The following TMEM135 variants were observed in gnomAD, a reference collection of about 807,000 sequenced individuals.
The protein encoded by TMEM135 is peroxisomal membrane protein 52.
In TMEM135, 30 loss-of-function variants were observed where a neutral mutation model predicts 60.3. That is an observed-to-expected ratio of 0.50 (90% CI 0.37 to 0.68). TMEM135 has a LOEUF of 0.68. Ranked by LOEUF, TMEM135 falls within the 30% of genes least tolerant of loss-of-function variation. The pLI is 0.00. For missense variants in TMEM135, 468 were observed against 548.8 expected, an observed-to-expected ratio of 0.85 and a Z score of 1.47; for synonymous variants, 190 against 186.7, an observed-to-expected ratio of 1.02 and a Z score of -0.14.
Position 87,327,871 on chromosome 11 carries a change from G to A in TMEM135, c.*6538G>A, listed in dbSNP as rs1021534620. On this transcript the variant is annotated 3_prime_UTR_variant, in exon 15 of 15. Transcript: ENST00000305494. ...AGAAGAGTGTATCCCTGCTGCAGGGGAGAGAGAGAAGCCAATTCTCCTTTC... is the reference window on the plus strand; with the variant it reads ...AGAAGAGTGTATCCCTGCTGCAGGGAAGAGAGAGAAGCCAATTCTCCTTTC... 9.0e-5 allele frequency: 41 copies of A among 454,012 alleles called. No homozygotes were observed. The highest frequency in any genetic ancestry group is 8.2e-4 in the African/African-American group (41 of 50,086). The allele number at this position is 454,012 out of a possible 1,614,324, so 28.1% of individuals were successfully genotyped here.
intron 6 of TMEM135, among the ~76,000 whole-genome samples, chr11:87,268,771 T>G (rs1941803857): frequency 6.6e-6 from 1 of 152,128 alleles, no homozygotes; most frequent in Non-Finnish European, 1.5e-5. Context: ...GAAACCTGAT[T>G]AGAGCTTTTG....
intron 5 of TMEM135, among the ~76,000 whole-genome samples, chr11:87,191,977 CTTTTCTTTTCTT>C (rs1379855241): frequency 3.4e-5 from 3 of 87,974 alleles, no homozygotes; most frequent in African/African-American, 1.4e-4. Context: ...TGTTTCTTTT[CTTTTCTTTTCTT>C]TTTTTTTTTT....
At chr11:87,068,906 G>A (rs1856719436) in intron 2 of TMEM135, among the ~76,000 whole-genome samples, 1 of 151,686 alleles carries the variant, frequency 6.6e-6, no homozygotes, top group African/African-American at 2.4e-5. Context: ...TTTAGATTAT[G>A]CAGAAAATAA....
At chr11:87,202,381 A>G (rs1940123529) in intron 5 of TMEM135, among the ~76,000 whole-genome samples, 1 of 152,136 alleles carries the variant, frequency 6.6e-6, no homozygotes, top group Non-Finnish European at 1.5e-5. Flanking sequence ...GCTGGAGTGC[A>G]GTGGTGCAAT....
intron 1 of TMEM135, 84 bp from the exon 2 acceptor site, chr11:87,067,610 C>T (rs1047014907): frequency 6.4e-7 from 1 of 1,555,598 alleles, no homozygotes. Context: ...TAAATATATG[C>T]TTTTATACAG....
chr11:87,066,779 C>CTT lies in TMEM135; in HGVS notation c.142-913_142-912dup, dbSNP rs201355341. Among the ~76,000 whole-genome samples the CTT allele has an allele frequency of 1.1e-3, 140 of 129,104 alleles. 8 individuals are homozygous for CTT. The highest frequency in any genetic ancestry group is 2.2e-3 in the East Asian group (9 of 4,176). 84.7% of individuals were successfully genotyped at this position (129,104 alleles called of 152,430 possible). ...TACATACTTGTGTTGTTACTAGATT[C>CTT]TTTCTTTTTTTTTTTTTTTTGAGAC... On this transcript the variant is annotated intron_variant, in intron 1 of 14. Coordinates refer to ENST00000305494, the MANE Select transcript of TMEM135 (RefSeq NM_022918.4).
At chr11:87,106,817 TG>T (rs1211919297) in intron 4 of TMEM135, among the ~76,000 whole-genome samples, 1 of 152,184 alleles carries the variant, frequency 6.6e-6, no homozygotes, top group African/African-American at 2.4e-5. Context: ...AATTGGCTAA[TG>T]GTTCTGCAGG....
chr11:87,228,651 C>T (rs1003489484), intron 5 of TMEM135, among the ~76,000 whole-genome samples: 23 of 152,122 alleles, frequency 1.5e-4, no homozygotes, highest in Admixed American at 1.3e-3. Flanking sequence ...GGAATGGCCA[C>T]AGGCACTGTG....
chr11:87,214,768 C>T (rs148949970), intron 5 of TMEM135, among the ~76,000 whole-genome samples: 211 of 152,120 alleles, frequency 1.4e-3, no homozygotes, highest in African/African-American at 5.0e-3. Flanking sequence ...TTTGCTATAA[C>T]GACTGATTAG....
At chr11:87,315,504 GA>G in intron 12 of TMEM135, among the ~76,000 whole-genome samples, 1 of 152,000 alleles carries the variant, frequency 6.6e-6, no homozygotes, top group African/African-American at 2.4e-5. Context: ...GGTGTTGATA[GA>G]GCCAACATAA....
chr11:87,066,982 A>G (rs973266726), intron 1 of TMEM135, among the ~76,000 whole-genome samples: 7 of 151,244 alleles, frequency 4.6e-5, no homozygotes, highest in Admixed American at 4.0e-4. Flanking sequence ...AGGTTTCACC[A>G]TGTTGGCCAG....
intron 6 of TMEM135, among the ~76,000 whole-genome samples, chr11:87,280,900 C>T (rs142133993): frequency 1.9e-4 from 29 of 152,212 alleles, no homozygotes; most frequent in African/African-American, 6.5e-4. Context: ...TTCCTGGTAG[C>T]GTGATGAACA....
rs1431284782 is a variant in TMEM135, at chr11:87,245,059, C to A, written c.509+8375C>A. ...GATTGTGGTATGTTGTATCTTTGTT[C>A]TCCTTGGTTTCAAAGAACATCTTTA... On this transcript the variant is annotated intron_variant, in intron 6 of 14. Transcript: ENST00000305494. Among the ~76,000 whole-genome samples the A allele has an allele frequency of 2.2e-5, 3 of 139,124 alleles. No individual in the cohort carries two copies. The East Asian group carries it at 6.0e-4, about 28-fold the overall frequency. 91.3% of individuals were successfully genotyped at this position (139,124 alleles called of 152,430 possible). A position where few individuals can be genotyped will look rare whatever the true frequency, so the allele number is the denominator to read the frequency against.
At chr11:87,056,526 T>C (rs1469806745) in intron 1 of TMEM135, among the ~76,000 whole-genome samples, 1 of 152,254 alleles carries the variant, frequency 6.6e-6, no homozygotes, top group Non-Finnish European at 1.5e-5. Context: ...TATCAAAGAT[T>C]AGTAAAGGAT....
chr11:87,211,154 C>G (rs548087414), intron 5 of TMEM135, among the ~76,000 whole-genome samples: 1 of 152,190 alleles, frequency 6.6e-6, no homozygotes, highest in African/African-American at 2.4e-5. Context: ...AAAACTGAGG[C>G]CTCTGAGAGC....
intron 6 of TMEM135, among the ~76,000 whole-genome samples, chr11:87,254,942 C>A (rs1024083996): frequency 3.3e-5 from 5 of 152,114 alleles, no homozygotes; most frequent in Non-Finnish European, 5.9e-5. Flanking sequence ...GGGTTCGATA[C>A]CAGCTTGGAC....
intron 3 of TMEM135, among the ~76,000 whole-genome samples, chr11:87,076,288 A>C (rs1049266817): frequency 5.3e-5 from 8 of 152,232 alleles, no homozygotes; most frequent in African/African-American, 1.9e-4. Context: ...TTCCACAGGC[A>C]GAGGAGCCTC....
chr11:87,224,089 G>C (rs1482027743), intron 5 of TMEM135, among the ~76,000 whole-genome samples: 3 of 152,204 alleles, frequency 2.0e-5, no homozygotes, highest in African/African-American at 7.2e-5. Context: ...CAACAGGGCA[G>C]ACTATTTGGG....
intron 6 of TMEM135, chr11:87,277,214 C>T (rs991124244): frequency 2.1e-5 from 7 of 331,234 alleles, no homozygotes; most frequent in Admixed American, 3.4e-5. Flanking sequence ...TCACTACAAC[C>T]TGCACCTCCC....
Sources: allele counts gnomAD v4.1 joint callset (sites outside exome capture counted in the v4.1 genomes callset), GRCh38; gene constraint gnomAD v4.1.1; transcripts MANE v1.5; gene names NCBI Gene and HGNC (gene_info 2026-07-23, HGNC 2026-07-21).